Variants in DBNDD2 observed in about 807,000 individuals in gnomAD.
DBNDD2 encodes dysbindin domain containing 2, also known as dysbindin domain-containing protein 2.
DBNDD2 carries 8 observed loss-of-function variants against 14.0 expected under a neutral mutation model. The ratio of observed to expected loss-of-function variants is 0.57; its 90% CI spans 0.33 to 1.03. DBNDD2 has a LOEUF of 1.03. Among genes scored for constraint, DBNDD2 ranks in the 50% least tolerant of loss-of-function variants. DBNDD2 has a pLI of 0.03. For synonymous variants in DBNDD2, 94 were observed against 85.3 expected, an observed-to-expected ratio of 1.10 and a Z score of -0.56; for missense variants, 194 against 206.0, an observed-to-expected ratio of 0.94 and a Z score of 0.36.
intron 2 of DBNDD2, among the ~76,000 whole-genome samples, chr20:45,409,533 G>C (rs778193585): frequency 1.3e-5 from 2 of 152,178 alleles, no homozygotes; most frequent in Admixed American, 6.5e-5. Context: ...ACTATTTATT[G>C]ATGGCTTACT....
chr20:45,408,398 A>AG lies in DBNDD2; in HGVS notation c.-68dup, dbSNP rs749799944. 1 of 1,613,784 alleles carries AG rather than the reference A, an allele frequency of 6.2e-7. No individual in the cohort carries two copies. The highest frequency in any genetic ancestry group is 1.1e-5 in the South Asian group (1 of 91,092). On this transcript the variant is annotated 5_prime_UTR_variant, in exon 1 of 3. It removes the in-frame stop codon of an upstream open reading frame in the 5' UTR. Transcript: ENST00000372710. ...GGCTGCAGTGGGGCGCCCCAAGCCC[A>AG]GGTCCCCTCTGTCTTCTCTTTCGAC...
Position 45,410,242 on chromosome 20 carries a change from A to G in DBNDD2, c.*102A>G. The G allele has an allele frequency of 8.0e-7, 1 of 1,242,968 alleles. No homozygotes were observed. The highest frequency in any genetic ancestry group is 1.1e-6 in the Non-Finnish European group (1 of 885,918). 77.0% of individuals were successfully genotyped at this position (1,242,968 alleles called of 1,614,324 possible). A position where few individuals can be genotyped will look rare whatever the true frequency, so the allele number is the denominator to read the frequency against. On this transcript the variant is annotated 3_prime_UTR_variant, in exon 3 of 3. Transcript: ENST00000372710. ...GGAGAAGACCAGACTCTTTACTTGCAGTAGGCACCAGAGGTGGGAAGGATG... is the reference window on the plus strand; with the variant it reads ...GGAGAAGACCAGACTCTTTACTTGCGGTAGGCACCAGAGGTGGGAAGGATG...
At position 45,408,527 on chromosome 20, in the gene DBNDD2, A is replaced by G. The variant is rs780249908; in HGVS notation, c.60A>G (p.Gln20=). Residue 20 remains glutamine (Q), a synonymous_variant, in exon 1 of 3, where the codon CAA becomes CAG. Transcript: ENST00000372710. ...AGCAGCTCCGCCTTCGGGAGCGGCA[A>G]AAATTCTTCGAGGACATTTTACAGC... ...ERQQLRLRER[Q]KFFEDILQPE... 2 of 1,614,250 alleles carry G rather than the reference A, an allele frequency of 1.2e-6. No homozygotes were observed. Among genetic ancestry groups the G allele is most frequent in the Admixed American group, 1.7e-5 (1 of 60,030 alleles).
chr20:45,409,644 A>G (rs960187978), intron 2 of DBNDD2, among the ~76,000 whole-genome samples: 1 of 152,222 alleles, frequency 6.6e-6, no homozygotes, highest in Non-Finnish European at 1.5e-5. Flanking sequence ...AGTCCTTGAA[A>G]GGGAAAGTGA....
At chr20:45,409,080 T>C in intron 2 of DBNDD2, 142 bp downstream of exon 2, 1 of 1,554,252 alleles carries the variant, frequency 6.4e-7, no homozygotes, top group Non-Finnish European at 8.8e-7. Flanking sequence ...AACAGCTGCC[T>C]GTTCTGATTT....
At position 45,410,109 on chromosome 20, in the gene DBNDD2, A is replaced by T. The variant is rs199981378; in HGVS notation, c.455A>T (p.Asp152Val). 1.9e-6 allele frequency: 3 copies of T among 1,552,484 alleles called. No individual in the cohort carries two copies. The Admixed American group carries it at 5.9e-5, about 30-fold the overall frequency. ...TCGGATGAAGAGGAGGAAAGGGGTG[A>T]TGGAGGGGCAGAGCCTGGAGCCTGC... ...AQSDEEEERG[D>V]GGAEPGACS The change falls in exon 3 of 3, where the codon GAT becomes GTT. Residue 152 changes from aspartate to valine, a missense_variant. Asp to Val is a radical substitution (Grantham distance 152). Coordinates refer to ENST00000372710, the MANE Select transcript of DBNDD2 (RefSeq NM_001048225.4).
At chr20:45,406,062 A>C, upstream of DBNDD2, 1 of 177,570 alleles carries the variant, frequency 5.6e-6, no homozygotes, top group Non-Finnish European at 1.2e-5. Flanking sequence ...AGAGCCAGGA[A>C]TCAGGGGCAG....
intron 2 of DBNDD2, among the ~76,000 whole-genome samples, chr20:45,409,295 TA>T (rs1989699288): frequency 6.6e-6 from 1 of 152,262 alleles, no homozygotes; most frequent in Non-Finnish European, 1.5e-5. Context: ...TTGAGTACTT[TA>T]GTAGGTTCCA....
chr20:45,409,788 T>C, intron 2 of DBNDD2, 144 bp from the exon 3 acceptor site: 2 of 785,736 alleles, frequency 2.5e-6, no homozygotes, highest in South Asian at 3.5e-5. Context: ...ATGGTGATCT[T>C]AATCCTGGCT....
At position 45,410,307 on chromosome 20, in the gene DBNDD2, C is replaced by A; in HGVS notation, c.*167C>A. On this transcript the variant is annotated 3_prime_UTR_variant, in exon 3 of 3. Coordinates refer to ENST00000372710, the MANE Select transcript of DBNDD2 (RefSeq NM_001048225.4). ...CTTTCTAAGAATTAACCCTCTCCTG[C>A]TTTACTGCTAATTTTTTCCTGCTGC... The A allele has an allele frequency of 2.5e-6, 2 of 786,438 alleles. No homozygotes were observed. The highest frequency in any genetic ancestry group is 2.7e-5 in the East Asian group (1 of 36,794). The allele number at this position is 786,438 out of a possible 1,614,324, so 48.7% of individuals were successfully genotyped here.
rs761189139 is a variant in DBNDD2, at chr20:45,408,344, G to A, written c.-124G>A. On this transcript the variant is annotated 5_prime_UTR_variant, in exon 1 of 3. Coordinates refer to ENST00000372710, the MANE Select transcript of DBNDD2 (RefSeq NM_001048225.4). ...CACCAAGGGCAGAGGTGTCCAGGCC[G>A]GAGCCAGGGGCCCCACTGTTGGGAT... 20 of 1,608,288 alleles carry A rather than the reference G, an allele frequency of 1.2e-5. No homozygotes were observed. In the Admixed American group the frequency reaches 2.2e-4, roughly 18 times the overall value.
upstream of DBNDD2, chr20:45,406,587 C>T (rs1434561090): frequency 1.4e-6 from 2 of 1,458,926 alleles, no homozygotes; most frequent in Non-Finnish European, 1.8e-6. Flanking sequence ...CCCGCCTCTT[C>T]CTCGTTCCCG....
In DBNDD2 at chr20:45,408,831, T is replaced by C; in HGVS notation, c.170T>C (p.Val57Ala). ...ATAGGTAGTATCTCATCCATGGAAG[T>C]GAATGTGGACACACTGGAGCAAGTA... The part of the protein sequence containing the change: ...PPIGSISSME[V>A]NVDTLEQVEL... Residue 57 changes from valine (V) to alanine (A), a missense_variant, in exon 2 of 3, where the codon GTG becomes GCG. Val to Ala is a moderately conservative substitution (Grantham distance 64). Transcript: ENST00000372710. The C allele has an allele frequency of 6.2e-7, 1 of 1,614,164 alleles. No homozygotes were observed. The highest frequency in any genetic ancestry group is 8.5e-7 in the Non-Finnish European group (1 of 1,180,030).
At chr20:45,409,008 C>T in intron 2 of DBNDD2, 70 bp downstream of exon 2, 1 of 1,613,862 alleles carries the variant, frequency 6.2e-7, no homozygotes, top group Non-Finnish European at 8.5e-7. Flanking sequence ...TGAAACGAGG[C>T]TACAAGGCTG....
Position 45,408,621 on chromosome 20 carries a change from C to G in DBNDD2, c.139+15C>G. 2 of 1,609,584 alleles carry G rather than the reference C, an allele frequency of 1.2e-6. No individual in the cohort carries two copies. The highest frequency in any genetic ancestry group is 8.5e-7 in the Non-Finnish European group (1 of 1,176,676). ...GTCGCAGAGACGTAAGTCCCAAGTC[C>G]TGAGAAGAGGGACTGGGGTAGGGTA... On this transcript the variant is annotated intron_variant, in intron 1 of 2. Transcript: ENST00000372710.
At chr20:45,406,270 C>A (rs1989362720), upstream of DBNDD2, 1 of 564,558 alleles carries the variant, frequency 1.8e-6, no homozygotes, top group Non-Finnish European at 3.1e-6. Flanking sequence ...GTAGTCGTTG[C>A]GTGGGCGCTG....
upstream of DBNDD2, chr20:45,407,449 A>C: frequency 1.0e-6 from 1 of 985,762 alleles, no homozygotes; most frequent in Non-Finnish European, 1.2e-6. Flanking sequence ...TCTGATCCTC[A>C]AGCTAGAAAC....
At chr20:45,406,459 C>T (rs1476334746), upstream of DBNDD2, 2 of 1,525,180 alleles carry the variant, frequency 1.3e-6, no homozygotes, top group African/African-American at 1.4e-5. Flanking sequence ...AGGATGGGTG[C>T]GGGTAACTTT....
chr20:45,406,441 A>T (rs1196776304), upstream of DBNDD2: 1 of 1,523,730 alleles, frequency 6.6e-7, no homozygotes, highest in Non-Finnish European at 8.8e-7. Context: ...GGCTGGGCGG[A>T]GGGAGGAAGG....
Sources: gnomAD v4.1 joint callset for allele counts (sites outside exome capture counted in the v4.1 genomes callset) on GRCh38, gnomAD v4.1.1 for gene constraint, MANE v1.5 for transcripts, NCBI Gene and HGNC (gene_info 2026-07-23, HGNC 2026-07-21) for gene names.